The following SPTBN4 variants were observed in gnomAD, a reference collection of about 807,000 sequenced individuals.
The protein encoded by SPTBN4 is spectrin beta, non-erythrocytic 4.
In SPTBN4, 96 loss-of-function variants were observed where a neutral mutation model predicts 277.8. The observed-to-expected ratio is 0.35, with a 90% CI of 0.29 to 0.41. The LOEUF (loss-of-function observed/expected upper bound fraction) is 0.41, where lower values mean the gene tolerates loss of function less well. Among genes scored for constraint, SPTBN4 ranks in the 10% least tolerant of loss-of-function variants. The pLI is 1.00. For synonymous variants in SPTBN4, 1,481 were observed against 1,580.3 expected, an observed-to-expected ratio of 0.94 and a Z score of 1.49; for missense variants, 3,006 against 3,595.7, an observed-to-expected ratio of 0.84 and a Z score of 4.19.
intron 2 of SPTBN4, among the ~76,000 whole-genome samples, chr19:40,479,952 T>A (rs1423064197): frequency 6.6e-6 from 1 of 150,970 alleles, no homozygotes; most frequent in East Asian, 1.9e-4. Flanking sequence ...AAAAAAAAAT[T>A]AAAAATTAGC....
At chr19:40,492,270 A>G (rs980974123) in intron 4 of SPTBN4, among the ~76,000 whole-genome samples, 2 of 152,002 alleles carry the variant, frequency 1.3e-5, no homozygotes, top group Non-Finnish European at 2.9e-5. Flanking sequence ...CTAGAGGATG[A>G]TGGGGCTGCC....
chr19:40,506,109 A>G, intron 12 of SPTBN4, 127 bp from the exon 13 acceptor site: 2 of 1,290,120 alleles, frequency 1.6e-6, no homozygotes, highest in African/African-American at 2.9e-5. Flanking sequence ...GCTGGTCCAT[A>G]TCTCTCCAAG....
Position 40,534,101 on chromosome 19 carries a change from G to A in SPTBN4, c.4117G>A (p.Glu1373Lys), listed in dbSNP as rs376737266. 6.2e-7 allele frequency: 1 copy of A among 1,606,594 alleles called. No individual in the cohort carries two copies. Among genetic ancestry groups the A allele is most frequent in the African/African-American group, 1.3e-5 (1 of 74,790 alleles). ...GCAGGAGGGCCAGCAACTGATGCAG[G>A]AGAAGCCCGAACTGGCGGCCTCCGT... ...IEREGQQLMQ[E>K]KPELAASVRK... Residue 1373 changes from glutamate to lysine, a missense_variant, in exon 20 of 36, where the codon GAG becomes AAG. Glu to Lys is a moderately conservative substitution (Grantham distance 56). This residue lies in a region of SPTBN4 where 1,759 missense variants were observed against 2,061.5 expected (regional missense o/e 0.85). Coordinates refer to ENST00000598249, the MANE Select transcript of SPTBN4 (RefSeq NM_020971.3).
chr19:40,537,375 C>T (rs951952519), intron 20 of SPTBN4, among the ~76,000 whole-genome samples: 1 of 152,196 alleles, frequency 6.6e-6, no homozygotes, highest in Non-Finnish European at 1.5e-5. Flanking sequence ...TGTATTCAAT[C>T]CATTTCACTA....
intron 21 of SPTBN4, 31 bp from the exon 22 acceptor site, chr19:40,550,207 C>T (rs776788960): frequency 1.2e-6 from 2 of 1,603,410 alleles, no homozygotes; most frequent in Non-Finnish European, 1.7e-6. Flanking sequence ...GATGCATTCT[C>T]CCCTTGACCT....
intron 2 of SPTBN4, among the ~76,000 whole-genome samples, chr19:40,477,880 C>G (rs932581194): frequency 6.6e-6 from 1 of 152,004 alleles, no homozygotes; most frequent in Admixed American, 6.6e-5. Context: ...CTCTTGTTGT[C>G]CAGGCTGGAG....
At position 40,512,911 on chromosome 19, in the gene SPTBN4, C is replaced by G. The variant is rs1266763512; in HGVS notation, c.2122C>G (p.Leu708Val). 3 of 1,427,930 alleles carry G rather than the reference C, an allele frequency of 2.1e-6. No individual in the cohort carries two copies. Among genetic ancestry groups the G allele is most frequent in the Non-Finnish European group, 2.7e-6 (3 of 1,101,768 alleles). The allele number at this position is 1,427,930 out of a possible 1,614,324, so 88.5% of individuals were successfully genotyped here. A position where few individuals can be genotyped will look rare whatever the true frequency, so the allele number is the denominator to read the frequency against. ...CCAGCACAAGATCCTGCAGGGCGAG[C>G]TGGGCGGGCGGCGAGCGTTGCTGCA... is the stretch of plus-strand genomic sequence containing the variant. ...LAQHKILQGELGGRRALLQQA... is the reference protein window; with the variant it reads ...LAQHKILQGEVGGRRALLQQA... Residue 708 changes from leucine (L) to valine (V), a missense_variant, in exon 14 of 36, where the codon CTG becomes GTG. Transcript: ENST00000598249.
chr19:40,557,832 C>G (rs966235648), intron 26 of SPTBN4, among the ~76,000 whole-genome samples: 1 of 148,030 alleles, frequency 6.8e-6, no homozygotes, highest in Non-Finnish European at 1.5e-5. Flanking sequence ...GCAGGAGAAT[C>G]ACTTGAACCC....
chr19:40,574,897 C>G (rs528814739), intron 35 of SPTBN4, among the ~76,000 whole-genome samples: 2 of 151,728 alleles, frequency 1.3e-5, no homozygotes, highest in African/African-American at 4.8e-5. Context: ...TGCCTGTAGT[C>G]CCAGACACTC....
In SPTBN4 at chr19:40,494,997, A is replaced by G; in HGVS notation, c.668+20A>G. The G allele has an allele frequency of 6.2e-7, 1 of 1,612,896 alleles. No homozygotes were observed. The highest frequency in any genetic ancestry group is 1.7e-5 in the Admixed American group (1 of 60,004). On this transcript the variant is annotated intron_variant, in intron 6 of 35. Coordinates refer to ENST00000598249, the MANE Select transcript of SPTBN4 (RefSeq NM_020971.3). ...GCACAGGTACCACCTGGCCTGGGAC[A>G]GCCCAGTCCTGCCCTTCAGCCCCCC...
chr19:40,542,645 C>T (rs930908244), intron 20 of SPTBN4, among the ~76,000 whole-genome samples: 2 of 148,076 alleles, frequency 1.4e-5, no homozygotes, highest in Admixed American at 6.9e-5. Context: ...GCCAAGGAAA[C>T]ACCCTCCTCC....
chr19:40,516,515 C>T (rs971308155), intron 15 of SPTBN4, among the ~76,000 whole-genome samples: 1 of 152,036 alleles, frequency 6.6e-6, no homozygotes, highest in East Asian at 1.9e-4. Context: ...CTGTGTTGGC[C>T]ATGCTGGTCT....
chr19:40,516,255 AAT>A (rs1031923238), intron 15 of SPTBN4, among the ~76,000 whole-genome samples: 20 of 148,810 alleles, frequency 1.3e-4, no homozygotes, highest in African/African-American at 4.8e-4. Context: ...AAAAAAAAAA[AAT>A]TCCCAATATC....
At chr19:40,568,327 C>T in intron 31 of SPTBN4, 45 bp downstream of exon 31, 1 of 1,539,482 alleles carries the variant, frequency 6.5e-7, no homozygotes, top group Non-Finnish European at 8.7e-7. Flanking sequence ...GAGGGGAAAG[C>T]GGAGAGCTCC....
In SPTBN4 at chr19:40,502,086, A is replaced by T. The variant is rs1352245760; in HGVS notation, c.898-42A>T. On this transcript the variant is annotated intron_variant, in intron 8 of 35. Coordinates refer to ENST00000598249, the MANE Select transcript of SPTBN4 (RefSeq NM_020971.3). This position sits in a 1 kb window ranked among gnomAD's most constrained non-coding sequence, Gnocchi z 4.9. ...GGGAAGCTGGAAGCTGGTGGCAGGC[A>T]CGGGTGGGATGAGGCTGACCCCCCT... 1 of 1,613,454 alleles carries T rather than the reference A, an allele frequency of 6.2e-7. No homozygotes were observed. The highest frequency in any genetic ancestry group is 2.2e-5 in the East Asian group (1 of 44,898).
intron 2 of SPTBN4, among the ~76,000 whole-genome samples, chr19:40,481,537 G>A (rs1054690064): frequency 5.3e-5 from 8 of 151,724 alleles, no homozygotes; most frequent in African/African-American, 1.7e-4. Flanking sequence ...GTGCAGTGGC[G>A]CGATCTCTGC....
At chr19:40,539,511 C>A (rs1298573202) in intron 20 of SPTBN4, among the ~76,000 whole-genome samples, 1 of 152,194 alleles carries the variant, frequency 6.6e-6, no homozygotes, top group Non-Finnish European at 1.5e-5. Flanking sequence ...GAGTCTCACT[C>A]TGTTGCCCAG....
intron 26 of SPTBN4, 81 bp downstream of exon 26, chr19:40,557,484 G>T: frequency 6.8e-7 from 1 of 1,474,018 alleles, no homozygotes; most frequent in South Asian, 1.4e-5. Context: ...TCAGGCTGTG[G>T]AGCAGGTCGA....
intron 20 of SPTBN4, among the ~76,000 whole-genome samples, chr19:40,541,145 T>C (rs547344245): frequency 6.6e-6 from 1 of 152,290 alleles, no homozygotes; most frequent in South Asian, 2.1e-4. Context: ...TTGTACTATT[T>C]AGGTTTTAGA....
Sources: gnomAD v4.1 joint callset for allele counts (sites outside exome capture counted in the v4.1 genomes callset) on GRCh38, gnomAD v4.1.1 for gene constraint, gnomAD v4.1.1 regional missense constraint, Gnocchi (gnomAD v3.1) non-coding constraint, MANE v1.5 for transcripts, NCBI Gene and HGNC (gene_info 2026-07-23, HGNC 2026-07-21) for gene names.